PXDNL: variants seen among roughly 807,000 people sequenced by gnomAD.
PXDNL encodes the protein probable oxidoreductase PXDNL.
A neutral mutation model predicts 150.8 loss-of-function variants in PXDNL; 145 were observed. The ratio of observed to expected loss-of-function variants is 0.96; its 90% CI spans 0.84 to 1.10. The LOEUF (loss-of-function observed/expected upper bound fraction) is 1.10, where lower values mean the gene tolerates loss of function less well. Ranked by LOEUF, PXDNL falls within the 50% of genes least tolerant of loss-of-function variation. The probability of loss-of-function intolerance (pLI) is 0.00; values close to 1 mark genes in which losing one functional copy is unlikely to be tolerated. For synonymous variants in PXDNL, 757 were observed against 725.7 expected, an observed-to-expected ratio of 1.04 and a Z score of -0.69; for missense variants, 2,087 against 1,873.9, an observed-to-expected ratio of 1.11 and a Z score of -2.10.
intron 1 of PXDNL, chr8:51,721,883 T>C (rs905800063): frequency 1.1e-5 from 3 of 282,240 alleles, no homozygotes; most frequent in Non-Finnish European, 2.1e-5. Flanking sequence ...AGCAGCTTTG[T>C]CCCAGCATGG....
chr8:51,749,966 C>T (rs1436421790), intron 1 of PXDNL, among the ~76,000 whole-genome samples: 2 of 152,132 alleles, frequency 1.3e-5, no homozygotes, highest in Admixed American at 1.3e-4. Flanking sequence ...TCCCAAAGTG[C>T]TAAGATTACA....
At chr8:51,509,928 C>A (rs1811377762) in intron 4 of PXDNL, among the ~76,000 whole-genome samples, 1 of 151,938 alleles carries the variant, frequency 6.6e-6, no homozygotes, top group Non-Finnish European at 1.5e-5. Flanking sequence ...AGAATGTTAG[C>A]AGGCCCCTCA....
chr8:51,346,822 A>G (rs897972258), intron 19 of PXDNL, among the ~76,000 whole-genome samples: 1 of 152,174 alleles, frequency 6.6e-6, no homozygotes, highest in African/African-American at 2.4e-5. Context: ...GATAACTTGC[A>G]CCAGGCTTCC....
At chr8:51,786,009 G>A (rs932537407) in intron 1 of PXDNL, among the ~76,000 whole-genome samples, 2 of 152,130 alleles carry the variant, frequency 1.3e-5, no homozygotes, top group Non-Finnish European at 2.9e-5. Flanking sequence ...GAAGCTAGGA[G>A]GGGTGAAGCA....
chr8:51,527,439 C>A (rs2130413087), intron 4 of PXDNL, among the ~76,000 whole-genome samples: 1 of 152,290 alleles, frequency 6.6e-6, no homozygotes, highest in African/African-American at 2.4e-5. Flanking sequence ...TAGACCTCCA[C>A]CAGAATGACA....
intron 1 of PXDNL, among the ~76,000 whole-genome samples, chr8:51,668,172 C>CTTTT (rs765738861): frequency 8.0e-4 from 21 of 26,096 alleles, no homozygotes; most frequent in South Asian, 2.1e-3. Flanking sequence ...CCTTCTCGCT[C>CTTTT]TCTCTTTTTT....
chr8:51,627,739 T>A lies in PXDNL; in HGVS notation c.236+26950A>T, dbSNP rs138187241. On this transcript the variant is annotated intron_variant, in intron 2 of 22. Coordinates refer to ENST00000356297, the MANE Select transcript of PXDNL (RefSeq NM_144651.5). ...TAAGAAAGCTTTGTGGTGTTTTTAC[T>A]TGCCCTTGCCCCACCCCCATCCTGG... Among the ~76,000 whole-genome samples the A allele has an allele frequency of 3.8e-3, 583 of 152,310 alleles. 5 individuals carry two copies. Among genetic ancestry groups the A allele is most frequent in the African/African-American group, 0.012 (513 of 41,582 alleles).
At chr8:51,612,994 G>A (rs16916598) in intron 2 of PXDNL, among the ~76,000 whole-genome samples, 71,072 of 151,934 alleles carry the variant, frequency 0.47, 20,605 homozygotes, top group Non-Finnish European at 0.64. Flanking sequence ...CACACAGGGC[G>A]CCTAACTTGG....
At chr8:51,403,591 CACG>C (rs1232409924) in intron 17 of PXDNL, among the ~76,000 whole-genome samples, 1 of 152,204 alleles carries the variant, frequency 6.6e-6, no homozygotes, top group Non-Finnish European at 1.5e-5. Flanking sequence ...ACACATATCA[CACG>C]GGCCCTGGTG....
intron 3 of PXDNL, among the ~76,000 whole-genome samples, chr8:51,568,174 T>A (rs1271595666): frequency 6.7e-6 from 1 of 149,252 alleles, no homozygotes; most frequent in Non-Finnish European, 1.5e-5. Context: ...AATAAAAGAT[T>A]ATATTTTACC....
intron 3 of PXDNL, among the ~76,000 whole-genome samples, chr8:51,561,679 G>T (rs1013271725): frequency 6.6e-6 from 1 of 151,838 alleles, no homozygotes; most frequent in African/African-American, 2.4e-5. Context: ...TAGTAAACTC[G>T]TGGTGACAGA....
chr8:51,790,373 T>C (rs1363501209), intron 1 of PXDNL, among the ~76,000 whole-genome samples: 3 of 152,218 alleles, frequency 2.0e-5, no homozygotes, highest in African/African-American at 7.2e-5. Context: ...CTCCAAAGAA[T>C]GAACATTCAA....
intron 5 of PXDNL, among the ~76,000 whole-genome samples, chr8:51,489,595 A>G (rs1024892891): frequency 1.3e-5 from 2 of 152,184 alleles, no homozygotes; most frequent in Non-Finnish European, 2.9e-5. Flanking sequence ...AGGCCATTAC[A>G]TTTGACCTGT....
chr8:51,692,444 T>C (rs1034186674), intron 1 of PXDNL, among the ~76,000 whole-genome samples: 1 of 152,088 alleles, frequency 6.6e-6, no homozygotes, highest in African/African-American at 2.4e-5. Context: ...AACAGAAAAA[T>C]TAAGTTTTAC....
At position 51,323,789 on chromosome 8, in the gene PXDNL, G is replaced by A. The variant is rs572987962; in HGVS notation, c.4147-2892C>T. On this transcript the variant is annotated intron_variant, in intron 21 of 22. Transcript: ENST00000356297. ...AAATTAGCCGGGCGTAGTGGTGGGTGCCTGTAATCCCAGCTACTCGGGAGG... is the reference window on the plus strand; with the variant it reads ...AAATTAGCCGGGCGTAGTGGTGGGTACCTGTAATCCCAGCTACTCGGGAGG... Among the ~76,000 whole-genome samples, 29 of 151,948 alleles carry A rather than the reference G, an allele frequency of 1.9e-4. No homozygotes were observed. In the South Asian group the frequency reaches 3.3e-3, roughly 17 times the overall value.
intron 4 of PXDNL, among the ~76,000 whole-genome samples, chr8:51,507,885 T>G (rs1811326473): frequency 6.6e-6 from 1 of 152,150 alleles, no homozygotes; most frequent in African/African-American, 2.4e-5. Flanking sequence ...AGTGCCAGGT[T>G]GAGAAACACC....
chr8:51,343,849 A>G (rs1441430388), intron 20 of PXDNL, among the ~76,000 whole-genome samples: 3 of 152,216 alleles, frequency 2.0e-5, no homozygotes, highest in Non-Finnish European at 2.9e-5. Context: ...GCCAAATAAA[A>G]GGGCCAAGTG....
intron 2 of PXDNL, among the ~76,000 whole-genome samples, chr8:51,644,420 A>G (rs1258450381): frequency 1.1e-5 from 1 of 90,048 alleles, no homozygotes; most frequent in African/African-American, 2.8e-5. Context: ...GTGTGTATAT[A>G]TATACACATA....
At chr8:51,753,486 C>T (rs1012780296) in intron 1 of PXDNL, among the ~76,000 whole-genome samples, 1 of 152,174 alleles carries the variant, frequency 6.6e-6, no homozygotes, top group South Asian at 2.1e-4. Flanking sequence ...TTTGGAATTG[C>T]CTTTTAATCA....
Sources: allele counts gnomAD v4.1 joint callset (sites outside exome capture counted in the v4.1 genomes callset), GRCh38; gene constraint gnomAD v4.1.1; transcripts MANE v1.5; gene names NCBI Gene and HGNC (gene_info 2026-07-23, HGNC 2026-07-21).